HAP1: variants seen among roughly 807,000 people sequenced by gnomAD.
HAP1 encodes the protein huntingtin associated protein 1, also known as huntingtin-associated protein 1.
A neutral mutation model predicts 60.3 loss-of-function variants in HAP1; 59 were observed. The ratio of observed to expected loss-of-function variants is 0.98; its 90% CI spans 0.79 to 1.22. HAP1 has a LOEUF of 1.22. Ranked by LOEUF, HAP1 falls within the 50% of genes most tolerant of loss-of-function variation. HAP1 has a pLI of 0.00. For missense variants in HAP1, 825 were observed against 785.3 expected (o/e 1.05, Z -0.60); for synonymous variants, 346 against 330.6 (o/e 1.05, Z -0.50).
intron 2 of HAP1, 141 bp from the exon 3 acceptor site, chr17:41,732,535 G>C: frequency 2.0e-6 from 2 of 995,656 alleles, no homozygotes; most frequent in South Asian, 3.1e-5. Flanking sequence ...GGAAAAAGAA[G>C]ATCAGACCAG....
chr17:41,733,796 C>T (rs1288619772), intron 1 of HAP1, among the ~76,000 whole-genome samples: 3 of 151,430 alleles, frequency 2.0e-5, no homozygotes, highest in Non-Finnish European at 4.4e-5. Flanking sequence ...CAAGCCCGGT[C>T]GGCCAGCGCA....
chr17:41,724,241 T>C lies in HAP1; in HGVS notation c.*460A>G, dbSNP rs782312413. On this transcript the variant is annotated 3_prime_UTR_variant, in exon 11 of 11. Coordinates refer to ENST00000347901, the MANE Select transcript of HAP1 (RefSeq NM_177977.3). Reference sequence around the variant, plus strand: ...GGTGAAGGCCTTTGTCCCCATAGCCTGGGCAGTCCCAGAAGGCCTCTCTTC... The same window carrying C: ...GGTGAAGGCCTTTGTCCCCATAGCCCGGGCAGTCCCAGAAGGCCTCTCTTC... The C allele has an allele frequency of 2.1e-4, 34 of 164,748 alleles. No individual in the cohort carries two copies. Among genetic ancestry groups the C allele is most frequent in the Non-Finnish European group, 4.3e-4 (32 of 74,714 alleles). 10.2% of individuals were successfully genotyped at this position (164,748 alleles called of 1,614,324 possible).
downstream of HAP1, among the ~76,000 whole-genome samples, chr17:41,719,061 C>T (rs1169983299): frequency 2.6e-5 from 4 of 152,152 alleles, no homozygotes; most frequent in Non-Finnish European, 5.9e-5. Context: ...TCACTGCAAC[C>T]TCCACCTCCC....
At chr17:41,719,983 G>C (rs1428514068), downstream of HAP1, among the ~76,000 whole-genome samples, 1 of 143,002 alleles carries the variant, frequency 7.0e-6, no homozygotes, top group Non-Finnish European at 1.5e-5. Context: ...TCTGCCTCCC[G>C]GGTTCATGCC....
chr17:41,729,649 G>A (rs546195729), intron 6 of HAP1, among the ~76,000 whole-genome samples: 1 of 141,736 alleles, frequency 7.1e-6, no homozygotes, highest in Non-Finnish European at 1.5e-5. Flanking sequence ...GCCAAGGCGG[G>A]AGGATCACTT....
At chr17:41,729,549 CAAAAAAAAAAAAAA>C (rs1162563636) in intron 6 of HAP1, among the ~76,000 whole-genome samples, 18 of 63,108 alleles carry the variant, frequency 2.9e-4, no homozygotes, top group East Asian at 7.7e-4. Flanking sequence ...GCCTCCTTCT[CAAAAAAAAAAAAAA>C]AAAAAAAAAA....
In HAP1 at chr17:41,724,359, G is replaced by T; in HGVS notation, c.*342C>A. ...ATCCCACCCACCGCCCCCCGTGTTT[G>T]TTTTGACTGCTGCTGCCACTGCTGC... On this transcript the variant is annotated 3_prime_UTR_variant, in exon 11 of 11. Coordinates refer to ENST00000347901, the MANE Select transcript of HAP1 (RefSeq NM_177977.3). 5.9e-6 allele frequency: 1 copy of T among 170,478 alleles called. No homozygotes were observed. Among genetic ancestry groups the T allele is most frequent in the Non-Finnish European group, 1.3e-5 (1 of 78,060 alleles). The allele number at this position is 170,478 out of a possible 1,614,324, so 10.6% of individuals were successfully genotyped here. A position where few individuals can be genotyped will look rare whatever the true frequency, so the allele number is the denominator to read the frequency against.
At position 41,733,352 on chromosome 17, in the gene HAP1, C is replaced by CTTTT. The variant is rs1226491607; in HGVS notation, c.470-558_470-555dup. Among the ~76,000 whole-genome samples, 580 of 74,652 alleles carry CTTTT rather than the reference C, an allele frequency of 7.8e-3. 60 individuals are homozygous for CTTTT. The highest frequency in any genetic ancestry group is 0.023 in the African/African-American group (417 of 17,880). The allele number at this position is 74,652 out of a possible 152,430, so 49.0% of individuals were successfully genotyped here. A position where few individuals can be genotyped will look rare whatever the true frequency, so the allele number is the denominator to read the frequency against. On this transcript the variant is annotated intron_variant, in intron 1 of 10. Transcript: ENST00000347901. Reference sequence around the variant, plus strand: ...TACAGGCGTCAGCCACCGCGCCCGGCTTTTTTTTTTTTTTTTTTTTTTTTA... The same window carrying CTTTT: ...TACAGGCGTCAGCCACCGCGCCCGGCTTTTTTTTTTTTTTTTTTTTTTTTTTTTA...
intron 6 of HAP1, among the ~76,000 whole-genome samples, chr17:41,729,811 G>A (rs547784845): frequency 6.8e-6 from 1 of 146,770 alleles, no homozygotes; most frequent in Non-Finnish European, 1.5e-5. Context: ...GGGAGGCGGA[G>A]GTTGCAGTGA....
In HAP1 at chr17:41,732,092, G is replaced by T; in HGVS notation, c.741C>A (p.Asn247Lys). 9.9e-6 allele frequency: 16 copies of T among 1,613,856 alleles called. No individual in the cohort carries two copies. The highest frequency in any genetic ancestry group is 1.4e-5 in the Non-Finnish European group (16 of 1,179,818). The change falls in exon 4 of 11, where the codon AAC (asparagine) becomes AAA (lysine). Residue 247 changes from asparagine to lysine, a missense_variant. Coordinates refer to ENST00000347901, the MANE Select transcript of HAP1 (RefSeq NM_177977.3). ...AGAGCTGGAGGAGCTCATCCCGCAAGTTCACCTGGTGTCTGAGGTATAAAA... is the reference window on the plus strand; with the variant it reads ...AGAGCTGGAGGAGCTCATCCCGCAATTTCACCTGGTGTCTGAGGTATAAAA... ...EEILYLRHQVNLRDELLQLYS... is the reference protein window; with the variant it reads ...EEILYLRHQVKLRDELLQLYS...
chr17:41,722,694 A>G lies in HAP1; in HGVS notation c.*2007T>C, dbSNP rs1173639415. 6 of 152,326 alleles carry G rather than the reference A, an allele frequency of 3.9e-5. No homozygotes were observed. Among genetic ancestry groups the G allele is most frequent in the Non-Finnish European group, 5.9e-5 (4 of 68,144 alleles). 9.4% of individuals were successfully genotyped at this position (152,326 alleles called of 1,614,324 possible). A position where few individuals can be genotyped will look rare whatever the true frequency, so the allele number is the denominator to read the frequency against. ...ACCACACGCACACAGGCTGACAAGC[A>G]ATAGGAGATTGAGAGGTGCTGTGTG... On this transcript the variant is annotated 3_prime_UTR_variant, in exon 11 of 11. Coordinates refer to ENST00000347901, the MANE Select transcript of HAP1 (RefSeq NM_177977.3).
In HAP1 at chr17:41,727,148, T is replaced by C. The variant is rs782105086; in HGVS notation, c.1276-4A>G. 10 of 1,529,770 alleles carry C rather than the reference T, an allele frequency of 6.5e-6. No homozygotes were observed. The highest frequency in any genetic ancestry group is 1.1e-5 in the South Asian group (1 of 89,134). 94.8% of individuals were successfully genotyped at this position (1,529,770 alleles called of 1,614,324 possible). A position where few individuals can be genotyped will look rare whatever the true frequency, so the allele number is the denominator to read the frequency against. On this transcript the variant is annotated splice_polypyrimidine_tract_variant and splice_region_variant and intron_variant, in intron 8 of 10. Coordinates refer to ENST00000347901, the MANE Select transcript of HAP1 (RefSeq NM_177977.3). ...CCTGGAAACCAGGAAGAGTCTCCTA[T>C]GGTGGAGAGAACAGACGTTACCAGA...
chr17:41,725,826 G>A (rs1555588648), intron 10 of HAP1, 33 bp downstream of exon 10: 1 of 1,577,428 alleles, frequency 6.3e-7, no homozygotes, highest in South Asian at 1.1e-5. Context: ...GAAAGCTGAG[G>A]GCAGGTTGTA....
At chr17:41,732,143 G>A in intron 3 of HAP1, 25 bp from the exon 4 acceptor site, 1 of 1,612,888 alleles carries the variant, frequency 6.2e-7, no homozygotes. Context: ...GAGGAGCCAT[G>A]GGTTGGGAGT....
chr17:41,725,220 C>G, intron 10 of HAP1, 66 bp from the exon 11 acceptor site: 1 of 1,330,656 alleles, frequency 7.5e-7, no homozygotes, highest in Non-Finnish European at 1.0e-6. Context: ...CCACCCCCAC[C>G]CGTCTCCACA....
rs149703380 is a variant in HAP1 at position 41,732,027 on chromosome 17, T to C, written c.806A>G (p.Glu269Gly). Residue 269 changes from glutamate to glycine, a missense_variant, in exon 4 of 11, where the codon GAG becomes GGG. Coordinates refer to ENST00000347901, the MANE Select transcript of HAP1 (RefSeq NM_177977.3). ...SDEEDEDEEE[E>G]EEEKEAEEEQ... ...CTCTTCTGCCTCCTTTTCTTCCTCCTCCTCTTCTTCATCCTCATCCTCCTC... is the reference window on the plus strand; with the variant it reads ...CTCTTCTGCCTCCTTTTCTTCCTCCCCCTCTTCTTCATCCTCATCCTCCTC... 34 of 1,544,632 alleles carry C rather than the reference T, an allele frequency of 2.2e-5. No individual in the cohort carries two copies. The African/African-American group carries it at 4.5e-4, about 20-fold the overall frequency.
downstream of HAP1, among the ~76,000 whole-genome samples, chr17:41,720,407 CTGG>C (rs1911152396): frequency 5.3e-5 from 8 of 150,512 alleles, no homozygotes; most frequent in South Asian, 1.7e-3. Context: ...GTTGCTCAGG[CTGG>C]TCTTGAACTC....
intron 10 of HAP1, 22 bp downstream of exon 10, chr17:41,725,837 G>C: frequency 6.2e-7 from 1 of 1,602,956 alleles, no homozygotes; most frequent in Non-Finnish European, 8.5e-7. Context: ...GCAGGTTGTA[G>C]GGGAGCCCCT....
At chr17:41,728,071 G>C (rs1489556282) in intron 7 of HAP1, 130 bp downstream of exon 7, 1 of 1,089,776 alleles carries the variant, frequency 9.2e-7, no homozygotes, top group East Asian at 2.4e-5. Context: ...CAAGATAAGG[G>C]GCTCTCTGAG....
Sources: gnomAD v4.1 joint callset for allele counts (sites outside exome capture counted in the v4.1 genomes callset) on GRCh38, gnomAD v4.1.1 for gene constraint, MANE v1.5 for transcripts, NCBI Gene and HGNC (gene_info 2026-07-23, HGNC 2026-07-21) for gene names.